MAP3K13: variants seen among roughly 807,000 people sequenced by gnomAD.
The protein encoded by MAP3K13 is mitogen-activated protein kinase kinase kinase 13, also known as leucine zipper-bearing kinase.
A neutral mutation model predicts 104.0 loss-of-function variants in MAP3K13; 52 were observed. That is an observed-to-expected ratio of 0.50 (90% CI 0.40 to 0.63). The LOEUF (loss-of-function observed/expected upper bound fraction) is 0.63, where lower values mean the gene tolerates loss of function less well. MAP3K13 is among the 20% of genes least tolerant of loss of function. The probability of loss-of-function intolerance (pLI) is 0.00; values close to 1 mark genes in which losing one functional copy is unlikely to be tolerated. For missense variants in MAP3K13, 914 were observed against 1,218.5 expected, an observed-to-expected ratio of 0.75 and a Z score of 3.72; for synonymous variants, 394 against 442.2, an observed-to-expected ratio of 0.89 and a Z score of 1.37.
intron 2 of MAP3K13, among the ~76,000 whole-genome samples, chr3:185,303,413 T>G (rs1178724094): frequency 1.3e-5 from 2 of 152,186 alleles, no homozygotes; most frequent in East Asian, 3.8e-4. Context: ...TCTTTAAATG[T>G]GTGGTAGAAT....
intron 1 of MAP3K13, among the ~76,000 whole-genome samples, chr3:185,390,621 A>ATTTTTT (rs750832762): frequency 1.6e-3 from 195 of 123,674 alleles, no homozygotes; most frequent in African/African-American, 5.6e-3. Context: ...TACAGTCAGA[A>ATTTTTT]TTTTTTTTTT....
intron 12 of MAP3K13, 93 bp downstream of exon 12, chr3:185,477,489 C>T: frequency 1.1e-6 from 1 of 891,952 alleles, no homozygotes; most frequent in East Asian, 2.5e-5. Flanking sequence ...CAGGTGATTC[C>T]CTGGCAGCCA....
chr3:185,411,268 G>C (rs950072274), intron 1 of MAP3K13, among the ~76,000 whole-genome samples: 1 of 152,024 alleles, frequency 6.6e-6, no homozygotes, highest in African/African-American at 2.4e-5. Context: ...GAAAATGAAG[G>C]GAAAAACATT....
intron 7 of MAP3K13, 138 bp downstream of exon 7, chr3:185,451,533 T>C (rs1715883061): frequency 4.9e-6 from 3 of 614,254 alleles, no homozygotes; most frequent in Non-Finnish European, 8.8e-6. Flanking sequence ...ATAAATATGA[T>C]ACTTCACACA....
chr3:185,367,332 C>A (rs1003319664), intron 1 of MAP3K13, among the ~76,000 whole-genome samples: 1 of 152,080 alleles, frequency 6.6e-6, no homozygotes, highest in African/African-American at 2.4e-5. Context: ...CCAGCTGAGT[C>A]TAATGTGCAG....
At chr3:185,469,151 T>C (rs983519994) in intron 10 of MAP3K13, among the ~76,000 whole-genome samples, 1 of 152,190 alleles carries the variant, frequency 6.6e-6, no homozygotes, top group Non-Finnish European at 1.5e-5. Flanking sequence ...TCTGGAGACC[T>C]TGAAGGAAAT....
At chr3:185,373,715 A>C (rs1298486606) in intron 1 of MAP3K13, among the ~76,000 whole-genome samples, 2 of 152,182 alleles carry the variant, frequency 1.3e-5, no homozygotes, top group Admixed American at 1.3e-4. Flanking sequence ...CAAGAGAACA[A>C]AACTTTTTTT....
intron 1 of MAP3K13, among the ~76,000 whole-genome samples, chr3:185,367,536 A>C (rs1577471083): frequency 1.3e-5 from 2 of 152,340 alleles, no homozygotes; most frequent in East Asian, 3.9e-4. Context: ...GTATCATTGG[A>C]AGTTAATGAA....
intron 4 of MAP3K13, among the ~76,000 whole-genome samples, chr3:185,446,797 A>C (rs1270935613): frequency 6.6e-6 from 1 of 152,242 alleles, no homozygotes; most frequent in Non-Finnish European, 1.5e-5. Context: ...TTTTAAAAGA[A>C]GTACTCTTTT....
At chr3:185,328,321 CTTTTTGT>C (rs1197059918) in intron 2 of MAP3K13, among the ~76,000 whole-genome samples, 2 of 152,104 alleles carry the variant, frequency 1.3e-5, no homozygotes, top group Admixed American at 6.6e-5. Flanking sequence ...GGAAAGTTGT[CTTTTTGT>C]TTTTTGTTTT....
chr3:185,442,986 G>A (rs767280111), intron 3 of MAP3K13, among the ~76,000 whole-genome samples: 25 of 151,952 alleles, frequency 1.6e-4, no homozygotes, highest in South Asian at 4.2e-4. Flanking sequence ...CTACAGGCGC[G>A]CGCCACCATG....
rs1723727124 is a variant in MAP3K13 at position 185,363,380 on chromosome 3, ACT to A, written c.-86+15_-86+16del. The A allele has an allele frequency of 1.3e-5, 13 of 978,454 alleles. No individual in the cohort carries two copies. In the South Asian group the frequency reaches 3.8e-4, roughly 29 times the overall value. The allele number at this position is 978,454 out of a possible 1,614,324, so 60.6% of individuals were successfully genotyped here. A position where few individuals can be genotyped will look rare whatever the true frequency, so the allele number is the denominator to read the frequency against. On this transcript the variant is annotated intron_variant, in intron 1 of 13. Coordinates refer to ENST00000265026, the MANE Select transcript of MAP3K13 (RefSeq NM_004721.5). Reference sequence around the variant, plus strand: ...AATTCTTCGTTGTTGTGAGTATTGCACTCTGTTTTTCCTGTTTCTTCAGTATT... The same window carrying A: ...AATTCTTCGTTGTTGTGAGTATTGCACTGTTTTTCCTGTTTCTTCAGTATT...
intron 1 of MAP3K13, among the ~76,000 whole-genome samples, chr3:185,373,777 T>C (rs924909211): frequency 2.8e-4 from 20 of 70,350 alleles, no homozygotes; most frequent in Admixed American, 1.2e-3. Flanking sequence ...CTGCCAACCA[T>C]GACATGTTCT....
chr3:185,370,588 A>G (rs1724102582), intron 1 of MAP3K13, among the ~76,000 whole-genome samples: 2 of 152,206 alleles, frequency 1.3e-5, no homozygotes, highest in South Asian at 2.1e-4. Flanking sequence ...AGATGGAGAC[A>G]TCTAGGTGAT....
At chr3:185,312,725 G>A (rs1428768981) in intron 2 of MAP3K13, among the ~76,000 whole-genome samples, 1 of 152,088 alleles carries the variant, frequency 6.6e-6, no homozygotes, top group Non-Finnish European at 1.5e-5. Flanking sequence ...ATCAGTGTGG[G>A]ATGATATTTT....
At chr3:185,374,751 G>C (rs531765349) in intron 1 of MAP3K13, among the ~76,000 whole-genome samples, 2 of 150,616 alleles carry the variant, frequency 1.3e-5, no homozygotes, top group East Asian at 4.0e-4. Flanking sequence ...TAAAAACATA[G>C]AGTCCCCCTT....
chr3:185,437,000 C>CAAAAAAAAA (rs58819806), intron 2 of MAP3K13, among the ~76,000 whole-genome samples: 9 of 36,964 alleles, frequency 2.4e-4, no homozygotes, highest in Admixed American at 4.7e-4. Context: ...GACTCTGTCT[C>CAAAAAAAAA]AAAAAAAAAA....
intron 1 of MAP3K13, among the ~76,000 whole-genome samples, chr3:185,403,450 A>T (rs1434065946): frequency 6.6e-6 from 1 of 152,224 alleles, no homozygotes; most frequent in African/African-American, 2.4e-5. Context: ...GGCTATAGTA[A>T]ATGCTCTGTT....
At chr3:185,317,543 G>A (rs1408451904) in intron 2 of MAP3K13, among the ~76,000 whole-genome samples, 1 of 152,118 alleles carries the variant, frequency 6.6e-6, no homozygotes, top group East Asian at 1.9e-4. Context: ...TTATACTAAG[G>A]TCACAGGAAT....
Sources: allele counts gnomAD v4.1 joint callset (sites outside exome capture counted in the v4.1 genomes callset), GRCh38; gene constraint gnomAD v4.1.1; transcripts MANE v1.5; gene names NCBI Gene and HGNC (gene_info 2026-07-23, HGNC 2026-07-21).